Variants in EPHX2 observed in about 807,000 individuals in gnomAD.
EPHX2 encodes the protein epoxide hydrolase 2.
EPHX2 carries 74 observed loss-of-function variants against 78.7 expected under a neutral mutation model. The observed-to-expected ratio is 0.94, with a 90% confidence interval of 0.78 to 1.14. The LOEUF (loss-of-function observed/expected upper bound fraction) is 1.14, where lower values mean the gene tolerates loss of function less well. Among genes scored for constraint, EPHX2 ranks in the 50% most tolerant of loss-of-function variants. The probability of loss-of-function intolerance (pLI) is 0.00; values close to 1 mark genes in which losing one functional copy is unlikely to be tolerated. For synonymous variants in EPHX2, 251 were observed against 255.2 expected (o/e 0.98, Z 0.16); for missense variants, 715 against 702.5 (o/e 1.02, Z -0.20).
At chr8:27,512,072 TG>T in intron 6 of EPHX2, 162 bp downstream of exon 6, 1 of 459,178 alleles carries the variant, frequency 2.2e-6, no homozygotes, top group Middle Eastern at 4.5e-4. Context: ...TGCTCCAGCC[TG>T]GGCAACGGAG....
chr8:27,530,070 T>C (rs940686499), intron 12 of EPHX2, among the ~76,000 whole-genome samples: 3 of 150,766 alleles, frequency 2.0e-5, no homozygotes, highest in African/African-American at 7.3e-5. Context: ...TCTCTCTCTT[T>C]TTTTTTTTTT....
chr8:27,543,852 G>C, intron 17 of EPHX2, 23 bp downstream of exon 17: 1 of 1,613,686 alleles, frequency 6.2e-7, no homozygotes, highest in Non-Finnish European at 8.5e-7. Flanking sequence ...CCCTGTACAA[G>C]GGTCATCAGT....
chr8:27,524,620 C>T (rs996853336), intron 11 of EPHX2, among the ~76,000 whole-genome samples: 2 of 152,168 alleles, frequency 1.3e-5, no homozygotes, highest in African/African-American at 4.8e-5. Context: ...GCAAGCTTTG[C>T]CCCCTTCTAG....
intron 2 of EPHX2, 44 bp downstream of exon 2, chr8:27,501,054 C>T: frequency 6.4e-7 from 1 of 1,553,148 alleles, no homozygotes. Flanking sequence ...TGAACGTTCT[C>T]TGCCTGTGTG....
At chr8:27,497,649 T>A (rs1039650094) in intron 1 of EPHX2, among the ~76,000 whole-genome samples, 2 of 152,310 alleles carry the variant, frequency 1.3e-5, no homozygotes, top group Non-Finnish European at 2.9e-5. Context: ...AATAAACTTA[T>A]CTTTTAGAAT....
chr8:27,501,387 C>CTTCTTTCTTCT (rs1554519567), intron 2 of EPHX2, among the ~76,000 whole-genome samples: 15 of 67,546 alleles, frequency 2.2e-4, no homozygotes, highest in African/African-American at 7.5e-4. Flanking sequence ...TCTTCTTCTT[C>CTTCTTTCTTCT]TTCTTCTTTC....
At chr8:27,538,746 A>T in intron 14 of EPHX2, 54 bp downstream of exon 14, 5 of 1,586,524 alleles carry the variant, frequency 3.2e-6, no homozygotes, top group Non-Finnish European at 4.3e-6. Flanking sequence ...TGTTAAAGGG[A>T]TGTTTCTGTC....
chr8:27,525,985 G>A (rs1036567485), intron 12 of EPHX2, among the ~76,000 whole-genome samples: 15 of 152,224 alleles, frequency 9.9e-5, no homozygotes, highest in African/African-American at 3.6e-4. Flanking sequence ...ACTGAGAGCA[G>A]CATCAGGAGT....
chr8:27,510,022 C>G (rs1013113077), intron 5 of EPHX2, among the ~76,000 whole-genome samples: 1 of 152,206 alleles, frequency 6.6e-6, no homozygotes, highest in African/African-American at 2.4e-5. Flanking sequence ...TCATGGCCAT[C>G]AGGAGACAGC....
intron 12 of EPHX2, among the ~76,000 whole-genome samples, chr8:27,525,770 G>A (rs1261072999): frequency 6.6e-6 from 1 of 152,168 alleles, no homozygotes; most frequent in Non-Finnish European, 1.5e-5. Flanking sequence ...CTCAGGTAGA[G>A]CTGCCCCTCC....
intron 5 of EPHX2, 40 bp from the exon 6 acceptor site, chr8:27,511,796 G>C: frequency 6.3e-7 from 1 of 1,599,566 alleles, no homozygotes; most frequent in Non-Finnish European, 8.6e-7. Context: ...ACGGAAGGAG[G>C]CTGCTGCTGT....
chr8:27,543,867 C>A, intron 17 of EPHX2, 38 bp downstream of exon 17: 1 of 1,606,806 alleles, frequency 6.2e-7, no homozygotes, highest in Non-Finnish European at 8.5e-7. Flanking sequence ...ATCAGTGCAC[C>A]CCGGGAGAGG....
chr8:27,539,549 C>T (rs1815326441), intron 14 of EPHX2, among the ~76,000 whole-genome samples: 1 of 152,206 alleles, frequency 6.6e-6, no homozygotes, highest in Non-Finnish European at 1.5e-5. Flanking sequence ...CCCACACCCA[C>T]ATTCCCTTAT....
In EPHX2 at chr8:27,515,550, C is replaced by G. The variant is rs184790986; in HGVS notation, c.736-168C>G. 4.9e-4 allele frequency: 291 copies of G among 597,898 alleles called. 1 individual carries two copies. The highest frequency in any genetic ancestry group is 3.2e-3 in the Middle Eastern group (7 of 2,208). 37.0% of individuals were successfully genotyped at this position (597,898 alleles called of 1,614,324 possible). On this transcript the variant is annotated intron_variant, in intron 6 of 18. Coordinates refer to ENST00000521400, the MANE Select transcript of EPHX2 (RefSeq NM_001979.6). Reference sequence around the variant, plus strand: ...TTTTATTGAGTAGGTTGGCCAGGGCCTCTTCTCAGCCATTTTCATGTAACA... The same window carrying G: ...TTTTATTGAGTAGGTTGGCCAGGGCGTCTTCTCAGCCATTTTCATGTAACA...
At chr8:27,515,651 C>G (rs577691202) in intron 6 of EPHX2, 67 bp from the exon 7 acceptor site, 1 of 1,350,460 alleles carries the variant, frequency 7.4e-7, no homozygotes, top group Non-Finnish European at 1.0e-6. Flanking sequence ...ATTCTGCAGA[C>G]GCTGTGGGGC....
At chr8:27,496,917 G>A (rs550900098) in intron 1 of EPHX2, among the ~76,000 whole-genome samples, 5 of 152,128 alleles carry the variant, frequency 3.3e-5, no homozygotes, top group Non-Finnish European at 7.3e-5. Context: ...AATATCTCTA[G>A]CTTTGGCTAA....
At position 27,515,827 on chromosome 8, in the gene EPHX2, G is replaced by A. The variant is rs755945051; in HGVS notation, c.831+14G>A. 2 of 1,610,312 alleles carry A rather than the reference G, an allele frequency of 1.2e-6. No individual in the cohort carries two copies. The highest frequency in any genetic ancestry group is 3.3e-5 in the Admixed American group (2 of 60,012). On this transcript the variant is annotated intron_variant, in intron 7 of 18. Coordinates refer to ENST00000521400, the MANE Select transcript of EPHX2 (RefSeq NM_001979.6). ...TGGAGGTACCAGGTGAGAAAGCTGG[G>A]GAAGATGCAGCCAGTCAGGGTGAGG... is the stretch of plus-strand genomic sequence containing the variant.
At chr8:27,533,733 A>G (rs898617114) in intron 12 of EPHX2, among the ~76,000 whole-genome samples, 2 of 151,994 alleles carry the variant, frequency 1.3e-5, no homozygotes, top group Non-Finnish European at 2.9e-5. Flanking sequence ...GACCACAGGC[A>G]TGCACCACCA....
At chr8:27,523,107 G>A (rs963357053) in intron 11 of EPHX2, among the ~76,000 whole-genome samples, 3 of 152,198 alleles carry the variant, frequency 2.0e-5, no homozygotes, top group Admixed American at 2.0e-4. Context: ...TGAGCTTGAG[G>A]GGTGCAGGGG....
Sources: gnomAD v4.1 joint callset for allele counts (sites outside exome capture counted in the v4.1 genomes callset) on GRCh38, gnomAD v4.1.1 for gene constraint, MANE v1.5 for transcripts, NCBI Gene and HGNC (gene_info 2026-07-23, HGNC 2026-07-21) for gene names.